The following ARSG variants were observed in gnomAD, a reference collection of about 807,000 sequenced individuals.
ARSG encodes ASG.
A neutral mutation model predicts 50.5 loss-of-function variants in ARSG; 37 were observed. The observed-to-expected ratio is 0.73, with a 90% CI of 0.56 to 0.96. The LOEUF is 0.96. ARSG is among the 50% of genes least tolerant of loss of function. The probability of loss-of-function intolerance (pLI) is 0.00; values close to 1 mark genes in which losing one functional copy is unlikely to be tolerated. For missense variants in ARSG, 629 were observed against 675.3 expected (o/e 0.93, Z 0.76); for synonymous variants, 225 against 254.6 (o/e 0.88, Z 1.11).
In ARSG at chr17:68,378,291, C is replaced by T. The variant is rs770910630; in HGVS notation, c.983-6773C>T. Reference sequence around the variant, plus strand: ...GAGTAGGACAAACAGTACCCGGAGTCGTGCAACTTTCTCCCTGAAGCCAGG... The same window carrying T: ...GAGTAGGACAAACAGTACCCGGAGTTGTGCAACTTTCTCCCTGAAGCCAGG... On this transcript the variant is annotated intron_variant, in intron 8 of 11. Transcript: ENST00000621439. This position sits in a 1 kb window ranked among gnomAD's most constrained non-coding sequence, Gnocchi z 4.4. 1.6e-4 allele frequency among the ~76,000 whole-genome samples: 25 copies of T among 152,228 alleles called. No individual in the cohort carries two copies. Among genetic ancestry groups the T allele is most frequent in the Non-Finnish European group, 3.7e-4 (25 of 68,032 alleles).
rs371276258 is a variant in ARSG at position 68,395,069 on chromosome 17, G to A, written c.1092-4G>A. 90 of 1,613,462 alleles carry A rather than the reference G, an allele frequency of 5.6e-5. 1 individual carries two copies. The highest frequency in any genetic ancestry group is 3.3e-4 in the Middle Eastern group (2 of 6,080). On this transcript the variant is annotated splice_polypyrimidine_tract_variant and splice_region_variant and intron_variant, in intron 9 of 11. Coordinates refer to ENST00000621439, the MANE Select transcript of ARSG (RefSeq NM_001267727.2). ...GGGACAACTCAGTCTTGTTATTTCC[G>A]CAGCGTGCTGGACATTTTTCCAACT...
chr17:68,297,416 G>A lies in ARSG; in HGVS notation c.-552+5848G>A, dbSNP rs148303576. 2.6e-3 allele frequency among the ~76,000 whole-genome samples: 389 copies of A among 152,294 alleles called. 5 individuals carry two copies. Among genetic ancestry groups the A allele is most frequent in the Middle Eastern group, 0.017 (5 of 294 alleles). ...GTAACAAGGAACCATAGTTTGGAAC[G>A]TTGAAAATGTAAACTGAAATCAGTC... On this transcript the variant is annotated intron_variant, in intron 1 of 11. Coordinates refer to ENST00000621439, the MANE Select transcript of ARSG (RefSeq NM_001267727.2).
At chr17:68,283,724 C>A (rs2075772532) in intron 1 of ARSG, among the ~76,000 whole-genome samples, 2 of 146,672 alleles carry the variant, frequency 1.4e-5, no homozygotes, top group Admixed American at 1.4e-4. Flanking sequence ...AAAAAAAATA[C>A]AAAATTAGCC....
intron 11 of ARSG, among the ~76,000 whole-genome samples, chr17:68,402,048 C>T (rs112015946): frequency 1.3e-5 from 2 of 152,196 alleles, no homozygotes; most frequent in African/African-American, 4.8e-5. Context: ...TCTCCTCTTC[C>T]TTGGTCTCCA....
chr17:68,296,486 C>T (rs903735456), intron 1 of ARSG, among the ~76,000 whole-genome samples: 4 of 152,134 alleles, frequency 2.6e-5, no homozygotes, highest in African/African-American at 9.7e-5. Context: ...GGCTAGGGGA[C>T]GATGCGAAGA....
At chr17:68,352,063 G>GGAGAGAGAGAGAGAGAGAGAGACAGAGGA (rs764916757) in intron 5 of ARSG, among the ~76,000 whole-genome samples, 1 of 141,400 alleles carries the variant, frequency 7.1e-6, no homozygotes, top group East Asian at 2.0e-4. Context: ...GAGAGACAGA[G>GGAGAGAGAGAGAGAGAGAGAGACAGAGGA]GAGAGAGAGA....
rs62087154 is a variant in ARSG at position 68,321,195 on chromosome 17, G to C, written c.218+13484G>C. ...GACCCCATCTCAAAAAAAGGAGAAA[G>C]AAACAAAAAGAAAAAGAGTATAAAT... On this transcript the variant is annotated intron_variant, in intron 2 of 11. Transcript: ENST00000621439. Among the ~76,000 whole-genome samples, 456 of 152,202 alleles carry C rather than the reference G, an allele frequency of 3.0e-3. 1 individual carries two copies. Among genetic ancestry groups the C allele is most frequent in the Non-Finnish European group, 5.3e-3 (359 of 68,020 alleles).
intron 2 of ARSG, among the ~76,000 whole-genome samples, chr17:68,315,706 C>T (rs2077044431): frequency 6.6e-6 from 1 of 152,080 alleles, no homozygotes; most frequent in African/African-American, 2.4e-5. Flanking sequence ...GATCTTGGCT[C>T]ACTATAACCT....
At chr17:68,345,753 A>G (rs1242542956) in intron 3 of ARSG, among the ~76,000 whole-genome samples, 3 of 152,200 alleles carry the variant, frequency 2.0e-5, no homozygotes, top group Non-Finnish European at 2.9e-5. Context: ...TTTCCATGTC[A>G]TATAATTTTA....
intron 2 of ARSG, among the ~76,000 whole-genome samples, chr17:68,341,456 C>T (rs2078265211): frequency 6.6e-6 from 1 of 152,200 alleles, no homozygotes; most frequent in Non-Finnish European, 1.5e-5. Flanking sequence ...TGTATCCTTT[C>T]AGTGTTTCCT....
intron 1 of ARSG, among the ~76,000 whole-genome samples, chr17:68,294,375 C>T (rs1444456873): frequency 6.6e-6 from 1 of 152,174 alleles, no homozygotes; most frequent in Non-Finnish European, 1.5e-5. Context: ...GTTTATAGTC[C>T]TTCAAGTCTT....
intron 1 of ARSG, chr17:68,267,893 C>CAA (rs1407705161): frequency 6.6e-6 from 1 of 152,140 alleles, no homozygotes; most frequent in Non-Finnish European, 1.5e-5. Flanking sequence ...CTCTGTTACC[C>CAA]CCATGTGAAA....
At chr17:68,339,157 C>T (rs935217244) in intron 2 of ARSG, among the ~76,000 whole-genome samples, 6 of 151,894 alleles carry the variant, frequency 4.0e-5, no homozygotes, top group Non-Finnish European at 7.4e-5. Flanking sequence ...GGCGTGGTGG[C>T]GCGTGCCTGT....
chr17:68,398,698 G>A (rs1020967984), intron 10 of ARSG, among the ~76,000 whole-genome samples: 14 of 152,364 alleles, frequency 9.2e-5, no homozygotes, highest in African/African-American at 3.4e-4. Context: ...GAGCAAGAGA[G>A]TTGAGAGGTG....
At chr17:68,302,143 G>A (rs1419358126) in intron 1 of ARSG, among the ~76,000 whole-genome samples, 3 of 152,100 alleles carry the variant, frequency 2.0e-5, no homozygotes, top group Admixed American at 6.6e-5. Flanking sequence ...GACAGAATGC[G>A]TTGGGGAGTT....
chr17:68,375,342 C>T (rs1325505207), intron 8 of ARSG, among the ~76,000 whole-genome samples: 1 of 152,146 alleles, frequency 6.6e-6, no homozygotes, highest in Non-Finnish European at 1.5e-5. Flanking sequence ...CCCTAACCAG[C>T]ATCATTAGCA....
chr17:68,387,407 G>T (rs1023427993), intron 9 of ARSG, among the ~76,000 whole-genome samples: 3 of 152,182 alleles, frequency 2.0e-5, no homozygotes, highest in African/African-American at 7.2e-5. Flanking sequence ...GGGATTACAG[G>T]CATGAGCCAT....
Position 68,307,344 on chromosome 17 carries a change from A to G in ARSG, c.-150A>G. On this transcript the variant is annotated 5_prime_UTR_variant, in exon 2 of 12. Coordinates refer to ENST00000621439, the MANE Select transcript of ARSG (RefSeq NM_001267727.2). ...CATTCCTATAGCCGTTATCACTGCC[A>G]TCACCACTGCCACCAGCATCTTCTT... 1 of 641,288 alleles carries G rather than the reference A, an allele frequency of 1.6e-6. No individual in the cohort carries two copies. The highest frequency in any genetic ancestry group is 2.8e-6 in the Non-Finnish European group (1 of 359,020). The allele number at this position is 641,288 out of a possible 1,614,324, so 39.7% of individuals were successfully genotyped here.
rs552224238 is a variant in ARSG at position 68,391,821 on chromosome 17, G to C, written c.1092-3252G>C. Among the ~76,000 whole-genome samples, 134 of 152,300 alleles carry C rather than the reference G, an allele frequency of 8.8e-4. 1 individual carries two copies. In the South Asian group the frequency reaches 0.027, roughly 31 times the overall value. On this transcript the variant is annotated intron_variant, in intron 9 of 11. Coordinates refer to ENST00000621439, the MANE Select transcript of ARSG (RefSeq NM_001267727.2). ...ACTTTGCATCAGAGTGGGGTGCCAG[G>C]TCCTGGAGCTTGTTTCTTAAGAGAT...
Sources: gnomAD v4.1 joint callset for allele counts (sites outside exome capture counted in the v4.1 genomes callset) on GRCh38, gnomAD v4.1.1 for gene constraint, Gnocchi (gnomAD v3.1) non-coding constraint, MANE v1.5 for transcripts, NCBI Gene and HGNC (gene_info 2026-07-23, HGNC 2026-07-21) for gene names.